Variants in ASCC3 observed in about 807,000 individuals in gnomAD.
The protein encoded by ASCC3 is ASC-1 complex subunit P200.
Under a neutral mutation model 256.3 loss-of-function variants are expected in ASCC3, and 158 were observed. The ratio of observed to expected loss-of-function variants is 0.62; its 90% CI spans 0.54 to 0.70. The LOEUF (loss-of-function observed/expected upper bound fraction) is 0.70, where lower values mean the gene tolerates loss of function less well. Among genes scored for constraint, ASCC3 ranks in the 30% least tolerant of loss-of-function variants. The pLI is 0.00. For synonymous variants in ASCC3, 948 were observed against 883.4 expected (o/e 1.07, Z -1.30); for missense variants, 2,259 against 2,626.0 (o/e 0.86, Z 3.05).
At chr6:100,854,104 G>T (rs1772821087) in intron 3 of ASCC3, among the ~76,000 whole-genome samples, 1 of 149,964 alleles carries the variant, frequency 6.7e-6, no homozygotes, top group South Asian at 2.1e-4. Context: ...GAAAAACTCA[G>T]ATACAAACAG....
Position 100,580,837 on chromosome 6 carries a change from G to C in ASCC3, c.5550+8797C>G, listed in dbSNP as rs375688151. Among the ~76,000 whole-genome samples, 23 of 149,364 alleles carry C rather than the reference G, an allele frequency of 1.5e-4. No individual in the cohort carries two copies. The South Asian group carries it at 2.1e-3, about 14-fold the overall frequency. Reference sequence around the variant, plus strand: ...TATGAGTGAGAATATGCGGTGTTTGGTTTTTTGGTCTTGCGATAGTTTACT... The same window carrying C: ...TATGAGTGAGAATATGCGGTGTTTGCTTTTTTGGTCTTGCGATAGTTTACT... On this transcript the variant is annotated intron_variant, in intron 36 of 41. Transcript: ENST00000369162.
intron 33 of ASCC3, among the ~76,000 whole-genome samples, 194 bp downstream of exon 33, chr6:100,605,374 T>C (rs1772830783): frequency 1.3e-5 from 2 of 152,164 alleles, no homozygotes; most frequent in South Asian, 4.1e-4. Flanking sequence ...ACTATACTGC[T>C]TATTTTAAAA....
Position 100,642,736 on chromosome 6 carries a change from T to G in ASCC3, c.3746A>C (p.Glu1249Ala), listed in dbSNP as rs750950636. 1 of 1,613,250 alleles carries G rather than the reference T, an allele frequency of 6.2e-7. No homozygotes were observed. The highest frequency in any genetic ancestry group is 1.1e-5 in the South Asian group (1 of 91,052). ...GATTGTAAATACCAGTAGTTGGGCT[T>G]CTTTACTAATGACCTAATATGAAAT... ...LALKKQVISK[E>A]AQLLVFTIPI... The change falls in exon 24 of 42, where the codon GAA (glutamate) becomes GCA (alanine). Residue 1249 changes from glutamate to alanine, a missense_variant. By Grantham distance (107) the Glu-to-Ala change is moderately radical. This residue lies in a region of ASCC3 where 1,839 missense variants were observed against 2,206.7 expected (regional missense o/e 0.83). Transcript: ENST00000369162.
At chr6:100,712,751 C>CTTT (rs58286754) in intron 13 of ASCC3, among the ~76,000 whole-genome samples, 9 of 69,736 alleles carry the variant, frequency 1.3e-4, no homozygotes, top group Middle Eastern at 0.011. Flanking sequence ...CAATTATACT[C>CTTT]TTTTTTTTTT....
At chr6:100,550,492 G>C (rs1373397578) in intron 36 of ASCC3, among the ~76,000 whole-genome samples, 2 of 151,864 alleles carry the variant, frequency 1.3e-5, no homozygotes, top group Non-Finnish European at 2.9e-5. Flanking sequence ...GGCTTGCCTT[G>C]TAAATGTAAG....
At chr6:100,770,917 T>C (rs968388535) in intron 8 of ASCC3, among the ~76,000 whole-genome samples, 5 of 151,352 alleles carry the variant, frequency 3.3e-5, no homozygotes, top group Admixed American at 2.6e-4. Context: ...GGGTTTCCTA[T>C]GGAAATTGAC....
At chr6:100,869,075 A>G (rs1773616147) in intron 1 of ASCC3, among the ~76,000 whole-genome samples, 1 of 152,216 alleles carries the variant, frequency 6.6e-6, no homozygotes. Context: ...TCTTTAAAAC[A>G]TCCCAGCTAG....
chr6:100,877,262 G>A (rs947958021), intron 1 of ASCC3, among the ~76,000 whole-genome samples: 1 of 152,102 alleles, frequency 6.6e-6, no homozygotes, highest in Admixed American at 6.6e-5. Context: ...TAGTCAAAGT[G>A]ATATACTGCA....
At chr6:100,768,096 G>T (rs542633449) in intron 8 of ASCC3, among the ~76,000 whole-genome samples, 1 of 152,060 alleles carries the variant, frequency 6.6e-6, no homozygotes, top group East Asian at 1.9e-4. Flanking sequence ...TAAATTAATC[G>T]CAAATTCTAT....
chr6:100,741,778 C>T (rs1001436437), intron 10 of ASCC3, among the ~76,000 whole-genome samples: 7 of 152,118 alleles, frequency 4.6e-5, no homozygotes, highest in East Asian at 1.9e-4. Context: ...TGTCAGCTCT[C>T]GTACTGTTTT....
chr6:100,540,004 G>A (rs1775367332), intron 37 of ASCC3, among the ~76,000 whole-genome samples, 159 bp downstream of exon 37: 1 of 151,950 alleles, frequency 6.6e-6, no homozygotes, highest in African/African-American at 2.4e-5. Context: ...ATTTATATTT[G>A]CTTTTACTTT....
intron 8 of ASCC3, among the ~76,000 whole-genome samples, chr6:100,784,271 T>C (rs181265921): frequency 4.6e-5 from 7 of 152,252 alleles, no homozygotes; most frequent in African/African-American, 1.7e-4. Flanking sequence ...AATCTGAGTG[T>C]TGAAGATTTA....
At chr6:100,609,757 A>C (rs544239482) in intron 30 of ASCC3, among the ~76,000 whole-genome samples, 1 of 152,054 alleles carries the variant, frequency 6.6e-6, no homozygotes, top group Non-Finnish European at 1.5e-5. Flanking sequence ...CTAAAAATAC[A>C]AAAATTAGCT....
chr6:100,540,742 A>T (rs1775416659), intron 36 of ASCC3, among the ~76,000 whole-genome samples: 1 of 152,200 alleles, frequency 6.6e-6, no homozygotes, highest in Non-Finnish European at 1.5e-5. Flanking sequence ...ATATGGTAAA[A>T]GTACAGAGTG....
At position 100,571,970 on chromosome 6, in the gene ASCC3, C is replaced by T. The variant is rs1770613216; in HGVS notation, c.5550+17664G>A. Among the ~76,000 whole-genome samples the T allele has an allele frequency of 4.6e-5, 7 of 152,290 alleles. No homozygotes were observed. The South Asian group carries it at 1.2e-3, about 27-fold the overall frequency. On this transcript the variant is annotated intron_variant, in intron 36 of 41. Transcript: ENST00000369162. ...AGCTAATGTGATGTGGCAATATACA[C>T]AAATGGTGGTGACACCACAAAAGAT...
intron 10 of ASCC3, 60 bp from the exon 11 acceptor site, chr6:100,725,763 G>T (rs1436603348): frequency 6.3e-7 from 1 of 1,576,760 alleles, no homozygotes; most frequent in Non-Finnish European, 8.7e-7. Flanking sequence ...ACATTGAACT[G>T]TGATACTCAG....
intron 1 of ASCC3, among the ~76,000 whole-genome samples, chr6:100,873,132 T>TTAAATAAATAAA (rs1562361436): frequency 6.6e-6 from 1 of 151,668 alleles, no homozygotes; most frequent in Non-Finnish European, 1.5e-5. Context: ...TTATGGAAAT[T>TTAAATAAATAAA]TAAATAAACA....
rs185846199 is a variant in ASCC3 at position 100,612,995 on chromosome 6, T to C, written c.4786-5907A>G. Among the ~76,000 whole-genome samples the C allele has an allele frequency of 7.2e-5, 11 of 152,160 alleles. No individual in the cohort carries two copies. The East Asian group carries it at 2.1e-3, about 29-fold the overall frequency. On this transcript the variant is annotated intron_variant, in intron 30 of 41. Coordinates refer to ENST00000369162, the MANE Select transcript of ASCC3 (RefSeq NM_006828.4). Reference sequence around the variant, plus strand: ...CAATAACAGCTAAATCTTTGCTATTTTGCCAAATATACACAATACTATTTT... The same window carrying C: ...CAATAACAGCTAAATCTTTGCTATTCTGCCAAATATACACAATACTATTTT...
chr6:100,585,339 A>G (rs1313303703), intron 36 of ASCC3, among the ~76,000 whole-genome samples: 3 of 151,906 alleles, frequency 2.0e-5, no homozygotes, highest in Non-Finnish European at 4.4e-5. Context: ...TTCATCTTCC[A>G]TCGCTGATAC....
Sources: allele counts gnomAD v4.1 joint callset (sites outside exome capture counted in the v4.1 genomes callset), GRCh38; gene constraint gnomAD v4.1.1; regional missense constraint gnomAD v4.1.1; transcripts MANE v1.5; gene names NCBI Gene and HGNC (gene_info 2026-07-23, HGNC 2026-07-21).